DNAH8: variants seen among roughly 807,000 people sequenced by gnomAD.
The protein encoded by DNAH8 is dynein axonemal heavy chain 8.
DNAH8 carries 382 observed loss-of-function variants against 562.1 expected under a neutral mutation model. The observed-to-expected ratio is 0.68, with a 90% CI of 0.63 to 0.74. DNAH8 has a LOEUF of 0.74. Among genes scored for constraint, DNAH8 ranks in the 30% least tolerant of loss-of-function variants. The pLI is 0.00. For synonymous variants in DNAH8, 1,881 were observed against 1,919.4 expected, an observed-to-expected ratio of 0.98 and a Z score of 0.52; for missense variants, 5,203 against 5,620.4, an observed-to-expected ratio of 0.93 and a Z score of 2.37.
At chr6:38,861,266 G>C (rs1370077729) in intron 43 of DNAH8, among the ~76,000 whole-genome samples, 2 of 152,140 alleles carry the variant, frequency 1.3e-5, no homozygotes, top group African/African-American at 4.8e-5. Context: ...TTGATTTATT[G>C]AACCTATCCC....
At chr6:38,905,872 A>C (rs539512764) in intron 62 of DNAH8, among the ~76,000 whole-genome samples, 1 of 152,064 alleles carries the variant, frequency 6.6e-6, no homozygotes, top group Admixed American at 6.6e-5. Context: ...TTTTGGGATA[A>C]ATTATGACTA....
At chr6:39,025,503 T>C (rs1767211726) in intron 91 of DNAH8, among the ~76,000 whole-genome samples, 1 of 152,212 alleles carries the variant, frequency 6.6e-6, no homozygotes, top group African/African-American at 2.4e-5. Flanking sequence ...AAGTGTCTCA[T>C]TTAATAATGG....
chr6:39,010,841 G>T (rs924397157), intron 89 of DNAH8, among the ~76,000 whole-genome samples: 4 of 151,092 alleles, frequency 2.6e-5, no homozygotes, highest in African/African-American at 9.7e-5. Flanking sequence ...ATGTATGTAT[G>T]TATGTATGTA....
chr6:38,724,682 T>C (rs1237920911), intron 3 of DNAH8, among the ~76,000 whole-genome samples: 2 of 152,196 alleles, frequency 1.3e-5, no homozygotes, highest in East Asian at 3.9e-4. Flanking sequence ...ATTATAGTAA[T>C]GTATGATACA....
rs140362562 is a variant in DNAH8, at chr6:38,740,892, G to A, written c.1117-819G>A. Among the ~76,000 whole-genome samples, 7 of 152,274 alleles carry A rather than the reference G, an allele frequency of 4.6e-5. No individual in the cohort carries two copies. The East Asian group carries it at 1.4e-3, about 29-fold the overall frequency. On this transcript the variant is annotated intron_variant, in intron 7 of 92. Transcript: ENST00000327475. Reference sequence around the variant, plus strand: ...GCCTTCCAAAGTGCTGAAATTACAGGTGGGATCCACTGCTCCCAACCTTAG... The same window carrying A: ...GCCTTCCAAAGTGCTGAAATTACAGATGGGATCCACTGCTCCCAACCTTAG...
rs141154485 is a variant in DNAH8 at position 38,862,545 on chromosome 6, G to A, written c.6310+87G>A. The A allele has an allele frequency of 1.6e-5, 23 of 1,436,670 alleles. No individual in the cohort carries two copies. In the East Asian group the frequency reaches 2.6e-4, roughly 16 times the overall value. The allele number at this position is 1,436,670 out of a possible 1,614,324, so 89.0% of individuals were successfully genotyped here. ...TTTTCTGATATAAATCCAAAGTGAC[G>A]TGATCTCATATAATCTACATTAGTA... On this transcript the variant is annotated intron_variant, in intron 44 of 92. Coordinates refer to ENST00000327475, the MANE Select transcript of DNAH8 (RefSeq NM_001206927.2).
chr6:38,984,517 G>A lies in DNAH8; in HGVS notation c.13053+210G>A, dbSNP rs1371942067. The A allele has an allele frequency of 5.6e-6, 3 of 539,156 alleles. No homozygotes were observed. The Admixed American group carries it at 9.8e-5, about 18-fold the overall frequency. 33.4% of individuals were successfully genotyped at this position (539,156 alleles called of 1,614,324 possible). A position where few individuals can be genotyped will look rare whatever the true frequency, so the allele number is the denominator to read the frequency against. On this transcript the variant is annotated intron_variant, in intron 87 of 92. Transcript: ENST00000327475. ...ACACAACAACCAGCAATTGGGCCAG[G>A]CATGGTGGCTCACGCCTGTAATCCC...
intron 36 of DNAH8, among the ~76,000 whole-genome samples, chr6:38,847,321 T>C (rs1474856277): frequency 6.6e-6 from 1 of 151,852 alleles, no homozygotes; most frequent in East Asian, 1.9e-4. Context: ...GATGACTCTT[T>C]TTTTTCTGTG....
chr6:38,891,347 G>A (rs1225447991), intron 58 of DNAH8, among the ~76,000 whole-genome samples: 1 of 152,178 alleles, frequency 6.6e-6, no homozygotes, highest in Non-Finnish European at 1.5e-5. Context: ...ATTAAGTGTA[G>A]GTATGAGATA....
chr6:38,723,119 C>A lies in DNAH8; in HGVS notation c.310C>A (p.Pro104Thr). ...AGTGATTTCGGAAGTGCTGTCCTTG[C>A]CGTCTTCCCGGAGGTCCTCCAGATA... Reference protein sequence around the residue: ...QSVISEVLSLPSSRRSSRYRR... With the variant: ...QSVISEVLSLTSSRRSSRYRR... Residue 104 changes from proline to threonine, a missense_variant, in exon 2 of 93, where the codon CCG becomes ACG. Physicochemically the swap from Pro to Thr is conservative, Grantham distance 38 (BLOSUM62 -1). This residue lies in a region of DNAH8 where 556 missense variants were observed against 496.9 expected (regional missense o/e 1.12). Coordinates refer to ENST00000327475, the MANE Select transcript of DNAH8 (RefSeq NM_001206927.2). 1 of 1,612,806 alleles carries A rather than the reference C, an allele frequency of 6.2e-7. No homozygotes were observed. The highest frequency in any genetic ancestry group is 8.5e-7 in the Non-Finnish European group (1 of 1,179,882).
Position 38,945,586 on chromosome 6 carries a change from C to G in DNAH8, c.12127C>G (p.Gln4043Glu). Residue 4043 changes from glutamine (Q) to glutamate (E), a missense_variant and splice_region_variant, in exon 80 of 93, where the codon CAG (glutamine) becomes GAG (glutamate). Around this residue, in one of 6 missense-constraint regions of DNAH8, gnomAD observed 1,399 missense variants for 1,518.4 expected, o/e 0.92. Coordinates refer to ENST00000327475, the MANE Select transcript of DNAH8 (RefSeq NM_001206927.2). ...KLPQFAEIMNQISRNEKGWKS... is the reference protein window; with the variant it reads ...KLPQFAEIMNEISRNEKGWKS... ...TCCACAATTTGCAGAAATTATGAACCAGGTAATACAATAAAGGGCTGGTTG... is the reference window on the plus strand; with the variant it reads ...TCCACAATTTGCAGAAATTATGAACGAGGTAATACAATAAAGGGCTGGTTG... The G allele has an allele frequency of 6.2e-7, 1 of 1,613,900 alleles. No homozygotes were observed. The highest frequency in any genetic ancestry group is 8.5e-7 in the Non-Finnish European group (1 of 1,179,906).
At chr6:38,822,500 G>A (rs927958510) in intron 26 of DNAH8, 2 of 179,818 alleles carry the variant, frequency 1.1e-5, no homozygotes, top group African/African-American at 4.7e-5. Flanking sequence ...TTGAACCACT[G>A]CGCTATTCCT....
intron 86 of DNAH8, among the ~76,000 whole-genome samples, chr6:38,983,714 A>G (rs1764182896): frequency 6.6e-6 from 1 of 152,228 alleles, no homozygotes; most frequent in African/African-American, 2.4e-5. Flanking sequence ...AGCACATAGA[A>G]TGAGATGCAG....
chr6:38,804,150 T>A lies in DNAH8; in HGVS notation c.3034+839T>A, dbSNP rs1163583727. ...TGTTATCTCAATAGGTTCTAATAGT[T>A]TCAGTTTTATTAATAAGCCCGAGAG... is the stretch of plus-strand genomic sequence containing the variant. On this transcript the variant is annotated intron_variant, in intron 22 of 92. Transcript: ENST00000327475. 2.0e-5 allele frequency among the ~76,000 whole-genome samples: 3 copies of A among 152,178 alleles called. No individual in the cohort carries two copies. In the South Asian group the frequency reaches 6.2e-4, roughly 32 times the overall value.
At chr6:38,974,172 C>G (rs1278081461) in intron 84 of DNAH8, among the ~76,000 whole-genome samples, 2 of 152,182 alleles carry the variant, frequency 1.3e-5, no homozygotes, top group Non-Finnish European at 2.9e-5. Flanking sequence ...GCTCCAAAAT[C>G]TGAAACATTC....
At chr6:38,830,458 C>T (rs1773731973) in intron 30 of DNAH8, among the ~76,000 whole-genome samples, 1 of 151,652 alleles carries the variant, frequency 6.6e-6, no homozygotes, top group Non-Finnish European at 1.5e-5. Flanking sequence ...CACAGTGAAA[C>T]CCTGCCTCTA....
At chr6:38,964,490 T>C (rs1033597200) in intron 82 of DNAH8, among the ~76,000 whole-genome samples, 1 of 150,644 alleles carries the variant, frequency 6.6e-6, no homozygotes, top group Admixed American at 6.6e-5. Flanking sequence ...TTTAAAAAAA[T>C]GTTTGAATGC....
intron 88 of DNAH8, among the ~76,000 whole-genome samples, chr6:38,994,313 C>T (rs1229198466): frequency 6.6e-6 from 1 of 152,052 alleles, no homozygotes; most frequent in Admixed American, 6.5e-5. Flanking sequence ...ATATTTTTCT[C>T]AGCTTATTTA....
At chr6:38,961,077 C>A (rs1762576850) in intron 82 of DNAH8, among the ~76,000 whole-genome samples, 1 of 151,828 alleles carries the variant, frequency 6.6e-6, no homozygotes, top group Admixed American at 6.6e-5. Context: ...ATGAAATAAG[C>A]TAGGCATAGA....
Sources: gnomAD v4.1 joint callset for allele counts (sites outside exome capture counted in the v4.1 genomes callset) on GRCh38, gnomAD v4.1.1 for gene constraint, gnomAD v4.1.1 regional missense constraint, MANE v1.5 for transcripts, NCBI Gene and HGNC (gene_info 2026-07-23, HGNC 2026-07-21) for gene names.